The following PPEF1 variants were observed in gnomAD, a reference collection of about 807,000 sequenced individuals.
The protein encoded by PPEF1 is protein phosphatase with EF-hand domain 1.
Under a neutral mutation model 53.3 loss-of-function variants are expected in PPEF1, and 12 were observed. The observed-to-expected ratio is 0.23, with a 90% confidence interval of 0.14 to 0.36. PPEF1 has a LOEUF of 0.36. Ranked by LOEUF, PPEF1 falls within the 10% of genes least tolerant of loss-of-function variation. The probability of loss-of-function intolerance (pLI) is 1.00; values close to 1 mark genes in which losing one functional copy is unlikely to be tolerated. For synonymous variants in PPEF1, 165 were observed against 176.7 expected, an observed-to-expected ratio of 0.93 and a Z score of 0.52; for missense variants, 334 against 490.4, an observed-to-expected ratio of 0.68 and a Z score of 3.01.
chrX:18,749,144 G>A (rs2045388703), intron 3 of PPEF1, among the ~76,000 whole-genome samples: 1 of 111,846 alleles, frequency 8.9e-6, no homozygotes, highest in Non-Finnish European at 1.9e-5. Context: ...AATGGACAAT[G>A]CAGGCACTCC....
intron 1 of PPEF1, among the ~76,000 whole-genome samples, chrX:18,717,087 G>GTA (rs1395880625): frequency 7.8e-4 from 45 of 57,638 alleles, no homozygotes; most frequent in East Asian, 2.3e-3. Context: ...TTTTTGGTTT[G>GTA]TATATATATA....
At chrX:18,739,799 G>T (rs1193559428) in intron 3 of PPEF1, among the ~76,000 whole-genome samples, 1 of 112,360 alleles carries the variant, frequency 8.9e-6, no homozygotes. Context: ...CAAGCTTCCC[G>T]GCTGCTTTGT....
intron 3 of PPEF1, among the ~76,000 whole-genome samples, chrX:18,740,916 ATTTTTT>A (rs749122735): frequency 2.7e-5 from 2 of 75,181 alleles, no homozygotes; most frequent in Non-Finnish European, 2.6e-5. Flanking sequence ...TGGGCCAACC[ATTTTTT>A]TTTTTTTTTT....
chrX:18,766,078 AAAAAAAG>A (rs1040474234), intron 6 of PPEF1, among the ~76,000 whole-genome samples: 141 of 103,641 alleles, frequency 1.4e-3, no homozygotes, highest in South Asian at 6.4e-3. Context: ...AAAAAAAAAA[AAAAAAAG>A]AAAAAAGAAA....
intron 10 of PPEF1, among the ~76,000 whole-genome samples, chrX:18,790,886 G>A (rs182932551): frequency 3.6e-3 from 398 of 109,775 alleles, no homozygotes; most frequent in African/African-American, 0.013. Flanking sequence ...GACCAGGCTG[G>A]TCTCAAACTC....
At chrX:18,776,746 C>G (rs947524779) in intron 6 of PPEF1, among the ~76,000 whole-genome samples, 1 of 110,758 alleles carries the variant, frequency 9.0e-6, no homozygotes, top group African/African-American at 3.3e-5. Flanking sequence ...CATGATGAAA[C>G]CACATCTCTA....
chrX:18,743,446 C>CTTTTTTTTTTTTTTTTTTTTTTTTTTT lies in PPEF1; in HGVS notation c.236-6325_236-6324insTTTTTTTTTTTTTTTTTTTTTTTTTTT, dbSNP rs72264344. 2.7e-4 allele frequency among the ~76,000 whole-genome samples: 16 copies of CTTTTTTTTTTTTTTTTTTTTTTTTTTT among 59,332 alleles called. 2 individuals are homozygous for CTTTTTTTTTTTTTTTTTTTTTTTTTTT. Among genetic ancestry groups the CTTTTTTTTTTTTTTTTTTTTTTTTTTT allele is most frequent in the African/African-American group, 1.2e-3 (16 of 13,852 alleles). 51.5% of individuals were successfully genotyped at this position (59,332 alleles called of 115,157 possible). A position where few individuals can be genotyped will look rare whatever the true frequency, so the allele number is the denominator to read the frequency against. On this transcript the variant is annotated intron_variant, in intron 3 of 15. Transcript: ENST00000470157. Reference sequence around the variant, plus strand: ...TTTTTCTTTTCTTTTTTCTCTTTTTCTTTTTTTTTTTTTTTTTTTTTGAGA... The same window carrying CTTTTTTTTTTTTTTTTTTTTTTTTTTT: ...TTTTTCTTTTCTTTTTTCTCTTTTTCTTTTTTTTTTTTTTTTTTTTTTTTTTTTTTTTTTTTTTTTTTTTTTTTGAGA...
At chrX:18,694,005 A>G (rs1057248433) in intron 4 of PPEF1, among the ~76,000 whole-genome samples, 3 of 111,131 alleles carry the variant, frequency 2.7e-5, no homozygotes, top group Non-Finnish European at 5.7e-5. Flanking sequence ...CCTGGTAACC[A>G]CTGATCAGTT....
intron 12 of PPEF1, among the ~76,000 whole-genome samples, chrX:18,810,828 G>A (rs941987658): frequency 8.9e-5 from 10 of 112,208 alleles, no homozygotes; most frequent in African/African-American, 3.2e-4. Flanking sequence ...AAACAATGGT[G>A]TTATGAACAT....
At chrX:18,777,927 T>G (rs1447407896) in intron 6 of PPEF1, among the ~76,000 whole-genome samples, 2 of 110,197 alleles carry the variant, frequency 1.8e-5, no homozygotes, top group Non-Finnish European at 3.8e-5. Context: ...GTATTTTTAG[T>G]AGAGATGGGG....
At chrX:18,680,674 T>A (rs746423356), upstream of PPEF1, among the ~76,000 whole-genome samples, 382 of 110,398 alleles carry the variant, frequency 3.5e-3, 2 homozygotes, top group African/African-American at 0.012. Context: ...CGTGCAGGTT[T>A]GTTACATATG....
chrX:18,749,347 T>C (rs1390179897), intron 3 of PPEF1, among the ~76,000 whole-genome samples: 1 of 112,178 alleles, frequency 8.9e-6, no homozygotes, highest in East Asian at 2.8e-4. Flanking sequence ...AGGGGAAAAA[T>C]TGAATGTTGC....
In PPEF1 at chrX:18,694,433, G is replaced by A. The variant is rs146653852; in HGVS notation, c.-313+3339G>A. Among the ~76,000 whole-genome samples the A allele has an allele frequency of 3.3e-3, 370 of 110,726 alleles. 3 individuals are homozygous for A. Among genetic ancestry groups the A allele is most frequent in the African/African-American group, 0.011 (332 of 30,518 alleles). ...AGAGTTCGAGTTGCTCCACATTCTA[G>A]CCAGCACTGGATATTGTATTAAAAA... On this transcript the variant is annotated intron_variant, in intron 4 of 21. Transcript: ENST00000361511.
At chrX:18,794,490 TCTC>T (rs1236322403) in intron 10 of PPEF1, among the ~76,000 whole-genome samples, 1 of 112,453 alleles carries the variant, frequency 8.9e-6, no homozygotes, top group African/African-American at 3.2e-5. Flanking sequence ...GTGACCCACT[TCTC>T]CTCCAGTGAC....
At chrX:18,706,550 TC>T (rs1384974812), upstream of PPEF1, among the ~76,000 whole-genome samples, 3 of 109,833 alleles carry the variant, frequency 2.7e-5, no homozygotes, top group Admixed American at 9.7e-5. Flanking sequence ...TTCGAGACCA[TC>T]CTGGCCAACA....
chrX:18,818,213 T>G, intron 13 of PPEF1, 68 bp downstream of exon 13: 1 of 669,707 alleles, frequency 1.5e-6, no homozygotes, highest in Non-Finnish European at 2.2e-6. Flanking sequence ...CTTTTCATTT[T>G]CCTTGCTTCC....
intron 6 of PPEF1, among the ~76,000 whole-genome samples, chrX:18,768,447 G>A (rs1229729578): frequency 3.6e-5 from 4 of 112,373 alleles, no homozygotes; most frequent in African/African-American, 1.3e-4. Flanking sequence ...CCAACTAAGG[G>A]CACAGCCTGA....
At chrX:18,699,503 C>T (rs993992502) in intron 5 of PPEF1, among the ~76,000 whole-genome samples, 12 of 111,893 alleles carry the variant, frequency 1.1e-4, no homozygotes, top group African/African-American at 3.2e-4. Context: ...GCTGGCAGCG[C>T]GGCCGCGATC....
intron 1 of PPEF1, among the ~76,000 whole-genome samples, chrX:18,729,054 G>A (rs2044774372): frequency 8.9e-6 from 1 of 112,135 alleles, no homozygotes; most frequent in Admixed American, 9.5e-5. Flanking sequence ...TTCCCCAGAA[G>A]AGAGACAGTC....
Sources: gnomAD v4.1 joint callset for allele counts (sites outside exome capture counted in the v4.1 genomes callset) on GRCh38, gnomAD v4.1.1 for gene constraint, MANE v1.5 for transcripts, NCBI Gene and HGNC (gene_info 2026-07-23, HGNC 2026-07-21) for gene names.